SLC8A2: variants seen among roughly 807,000 people sequenced by gnomAD.
SLC8A2 encodes sodium/calcium exchanger 2.
In SLC8A2, 14 loss-of-function variants were observed where a neutral mutation model predicts 70.2. The observed-to-expected ratio is 0.20, with a 90% CI of 0.13 to 0.31. SLC8A2 has a LOEUF of 0.31. SLC8A2 is among the 10% of genes least tolerant of loss of function. The pLI, the probability that SLC8A2 is intolerant of heterozygous loss-of-function variation, is 1.00. For missense variants in SLC8A2, 779 were observed against 1,320.1 expected (o/e 0.59, Z 6.35); for synonymous variants, 575 against 594.3 (o/e 0.97, Z 0.47).
chr19:47,438,909 C>A (rs2122618911), intron 6 of SLC8A2, among the ~76,000 whole-genome samples: 1 of 152,324 alleles, frequency 6.6e-6, no homozygotes, highest in Non-Finnish European at 1.5e-5. Context: ...AGCTTGACCA[C>A]ACGGCAGAAG....
chr19:47,431,375 G>A (rs1966955857), intron 9 of SLC8A2, among the ~76,000 whole-genome samples: 1 of 152,032 alleles, frequency 6.6e-6, no homozygotes, highest in South Asian at 2.1e-4. Flanking sequence ...GTTTGGCCAG[G>A]CGTGGTGGCT....
At chr19:47,452,441 A>AGTGTGTGTGT (rs1967253214) in intron 3 of SLC8A2, among the ~76,000 whole-genome samples, 1 of 65,170 alleles carries the variant, frequency 1.5e-5, no homozygotes, top group African/African-American at 6.6e-5. Context: ...AGAGAGAGAG[A>AGTGTGTGTGT]GAGAGTGTGT....
chr19:47,437,508 G>C lies in SLC8A2; in HGVS notation c.2064C>G (p.Thr688=). The C allele has an allele frequency of 6.2e-7, 1 of 1,613,770 alleles. No individual in the cohort carries two copies. The highest frequency in any genetic ancestry group is 8.5e-7 in the Non-Finnish European group (1 of 1,179,864). The change falls in exon 8 of 10, where the codon ACC becomes ACG. Residue 688 remains threonine, a synonymous_variant. Coordinates refer to ENST00000236877, the MANE Select transcript of SLC8A2 (RefSeq NM_015063.3). ...KKTNLALVIG[T]HSWREQFLEA... ...CTAAAAACTGCTCCCTCCATGAATG[G>C]GTCCCAATTACCAAGGCCAAGTTCG...
chr19:47,455,664 A>C (rs558599093), intron 3 of SLC8A2, among the ~76,000 whole-genome samples: 2 of 152,226 alleles, frequency 1.3e-5, no homozygotes, highest in African/African-American at 4.8e-5. Context: ...CTGTAAAGCT[A>C]TAAGTCTTAA....
At chr19:47,434,706 A>G (rs915503298) in intron 8 of SLC8A2, among the ~76,000 whole-genome samples, 1 of 152,130 alleles carries the variant, frequency 6.6e-6, no homozygotes, top group Non-Finnish European at 1.5e-5. Context: ...GCTCTGCGAC[A>G]AGATGGGACC....
intron 5 of SLC8A2, 59 bp downstream of exon 5, chr19:47,441,278 T>C (rs1967096608): frequency 6.3e-7 from 1 of 1,584,836 alleles, no homozygotes; most frequent in Non-Finnish European, 8.7e-7. Flanking sequence ...ATTGAGCCCC[T>C]GAAAGTCCCC....
At chr19:47,452,445 A>AGAGAGTGTGTGT (rs1568444583) in intron 3 of SLC8A2, among the ~76,000 whole-genome samples, 1 of 54,102 alleles carries the variant, frequency 1.8e-5, no homozygotes, top group African/African-American at 9.1e-5. Flanking sequence ...AGAGAGAGAG[A>AGAGAGTGTGTGT]GTGTGTGTGT....
intron 3 of SLC8A2, among the ~76,000 whole-genome samples, chr19:47,455,485 T>C (rs1599855232): frequency 6.6e-6 from 1 of 152,206 alleles, no homozygotes; most frequent in Non-Finnish European, 1.5e-5. Context: ...GGCCGGGACT[T>C]TATGAGTTTT....
chr19:47,470,348 T>TAC (rs71180846), intron 1 of SLC8A2, among the ~76,000 whole-genome samples: 18,493 of 139,208 alleles, frequency 0.13, 1,182 homozygotes, highest in African/African-American at 0.14. Context: ...GGAGACATCA[T>TAC]ACACACACAC....
chr19:47,457,818 T>TTCC (rs1967332922), intron 2 of SLC8A2, among the ~76,000 whole-genome samples: 3 of 108,482 alleles, frequency 2.8e-5, no homozygotes, highest in South Asian at 3.0e-4. Context: ...TTCTTCCTTC[T>TTCC]TTCTCTCTCT....
chr19:47,435,226 GAC>G (rs1410955901), intron 8 of SLC8A2, among the ~76,000 whole-genome samples: 2 of 151,674 alleles, frequency 1.3e-5, no homozygotes, highest in Non-Finnish European at 2.9e-5. Context: ...AAAAAAAAAA[GAC>G]ATGATAGGGT....
In SLC8A2 at chr19:47,429,705, AGGG is replaced by A; in HGVS notation, c.*381_*383del. ...AAGTGGGGGGGGGGTCACTAGGGGAAGGGAGACTTTGGGGGCAAAGCCAGGCTG... is the reference window on the plus strand; with the variant it reads ...AAGTGGGGGGGGGGTCACTAGGGGAAAGACTTTGGGGGCAAAGCCAGGCTG... On this transcript the variant is annotated 3_prime_UTR_variant, in exon 10 of 10. Transcript: ENST00000236877. 5.0e-6 allele frequency: 1 copy of A among 200,102 alleles called. No individual in the cohort carries two copies. The highest frequency in any genetic ancestry group is 1.0e-5 in the Non-Finnish European group (1 of 99,996). The allele number at this position is 200,102 out of a possible 1,614,324, so 12.4% of individuals were successfully genotyped here. A position where few individuals can be genotyped will look rare whatever the true frequency, so the allele number is the denominator to read the frequency against.
chr19:47,452,445 A>AGTGTGTGTGTGT (rs1158828688), intron 3 of SLC8A2, among the ~76,000 whole-genome samples: 2 of 54,060 alleles, frequency 3.7e-5, no homozygotes, highest in African/African-American at 1.8e-4. Flanking sequence ...AGAGAGAGAG[A>AGTGTGTGTGTGT]GTGTGTGTGT....
chr19:47,450,530 T>A (rs1967221399), intron 3 of SLC8A2, among the ~76,000 whole-genome samples: 1 of 143,350 alleles, frequency 7.0e-6, no homozygotes, highest in Non-Finnish European at 1.5e-5. Flanking sequence ...CTCAAAAAGG[T>A]GGGGGCGGGG....
In SLC8A2 at chr19:47,467,588, G is replaced by A. The variant is rs933077725; in HGVS notation, c.-16-1169C>T. On this transcript the variant is annotated intron_variant, in intron 1 of 9. Coordinates refer to ENST00000236877, the MANE Select transcript of SLC8A2 (RefSeq NM_015063.3). ...CTGTGACATCTAAGACCCTGTGCTG[G>A]GCTTTCTGTCCCATTTGTGGGTGTG... Among the ~76,000 whole-genome samples, 13 of 152,190 alleles carry A rather than the reference G, an allele frequency of 8.5e-5. No homozygotes were observed. The East Asian group carries it at 1.4e-3, about 16-fold the overall frequency.
In SLC8A2 at chr19:47,447,514, G is replaced by T. The variant is rs919136140; in HGVS notation, c.1763+295C>A. 4 of 467,948 alleles carry T rather than the reference G, an allele frequency of 8.5e-6. No homozygotes were observed. The highest frequency in any genetic ancestry group is 1.5e-5 in the Non-Finnish European group (4 of 263,522). The allele number at this position is 467,948 out of a possible 1,614,324, so 29.0% of individuals were successfully genotyped here. On this transcript the variant is annotated intron_variant, in intron 4 of 9. Coordinates refer to ENST00000236877, the MANE Select transcript of SLC8A2 (RefSeq NM_015063.3). The surrounding 1 kb of genome is among the most constrained non-coding windows in gnomAD (Gnocchi z 5.1). Reference sequence around the variant, plus strand: ...AGGCCCCGCCCACGTGGTAGACACAGCACACCTAGGCCCCGCCCCTCCCGA... The same window carrying T: ...AGGCCCCGCCCACGTGGTAGACACATCACACCTAGGCCCCGCCCCTCCCGA...
In SLC8A2 at chr19:47,429,840, A is replaced by G. The variant is rs1205266814; in HGVS notation, c.*249T>C. On this transcript the variant is annotated 3_prime_UTR_variant, in exon 10 of 10. Coordinates refer to ENST00000236877, the MANE Select transcript of SLC8A2 (RefSeq NM_015063.3). ...TCCCCAGGGATATAGACGGTCACCA[A>G]CAGGATGGGCTGGAGTTGGGGTCAC... The G allele has an allele frequency of 3.4e-6, 2 of 580,060 alleles. No individual in the cohort carries two copies. The highest frequency in any genetic ancestry group is 3.8e-5 in the African/African-American group (2 of 52,864). The allele number at this position is 580,060 out of a possible 1,614,324, so 35.9% of individuals were successfully genotyped here.
chr19:47,459,198 A>C (rs1967356991), intron 2 of SLC8A2, among the ~76,000 whole-genome samples: 3 of 141,866 alleles, frequency 2.1e-5, no homozygotes, highest in Non-Finnish European at 4.6e-5. Flanking sequence ...CTCTCTCTCC[A>C]TCTCGTTCTC....
chr19:47,439,502 T>C (rs1967072187), intron 6 of SLC8A2, among the ~76,000 whole-genome samples: 1 of 151,758 alleles, frequency 6.6e-6, no homozygotes, highest in Admixed American at 6.6e-5. Context: ...CATTGCACTC[T>C]AGCTTGGGCA....
Sources: allele counts gnomAD v4.1 joint callset (sites outside exome capture counted in the v4.1 genomes callset), GRCh38; gene constraint gnomAD v4.1.1; non-coding constraint Gnocchi (gnomAD v3.1); transcripts MANE v1.5; gene names NCBI Gene and HGNC (gene_info 2026-07-23, HGNC 2026-07-21).